Variants in PGLYRP4 observed in about 807,000 individuals in gnomAD.
PGLYRP4 encodes peptidoglycan recognition protein 4, also known as PGRP-I-beta.
A neutral mutation model predicts 41.2 loss-of-function variants in PGLYRP4; 39 were observed. That is an observed-to-expected ratio of 0.95 (90% CI 0.73 to 1.24). The LOEUF is 1.24. PGLYRP4 is among the 50% of genes most tolerant of loss of function. The probability of loss-of-function intolerance (pLI) is 0.00; values close to 1 mark genes in which losing one functional copy is unlikely to be tolerated. For missense variants in PGLYRP4, 467 were observed against 460.7 expected (o/e 1.01, Z -0.13); for synonymous variants, 202 against 186.8 (o/e 1.08, Z -0.66).
At position 153,340,692 on chromosome 1, in the gene PGLYRP4, G is replaced by A. The variant is rs990757635; in HGVS notation, c.626-113C>T. 15 of 1,061,182 alleles carry A rather than the reference G, an allele frequency of 1.4e-5. No individual in the cohort carries two copies. The South Asian group carries it at 2.0e-4, about 14-fold the overall frequency. 65.7% of individuals were successfully genotyped at this position (1,061,182 alleles called of 1,614,324 possible). A position where few individuals can be genotyped will look rare whatever the true frequency, so the allele number is the denominator to read the frequency against. ...CCCTCAACTTCCCAAACCCCTCTGGGTCTCCCACCCTGCCCCCAACCACCC... is the reference window on the plus strand; with the variant it reads ...CCCTCAACTTCCCAAACCCCTCTGGATCTCCCACCCTGCCCCCAACCACCC... On this transcript the variant is annotated intron_variant, in intron 6 of 8. Transcript: ENST00000359650.
chr1:153,344,929 G>C, intron 4 of PGLYRP4: 2 of 499,674 alleles, frequency 4.0e-6, no homozygotes, highest in Admixed American at 3.3e-5. Context: ...TTGGGGGAGG[G>C]TAGAGAATAC....
In PGLYRP4 at chr1:153,341,726, C is replaced by T; in HGVS notation, c.526G>A (p.Ala176Thr). ...GATGACAGGTGGCCCTTCTGGACAG[C>T]ATAGGTGATTAGGTTTTCCATGGCC... ...LSAMENLITY[A>T]VQKGHLSSSY... Residue 176 changes from alanine (A) to threonine (T), a missense_variant, in exon 6 of 9, where the codon GCT (alanine) becomes ACT (threonine). Ala to Thr is a moderately conservative substitution (Grantham distance 58). Coordinates refer to ENST00000359650, the MANE Select transcript of PGLYRP4 (RefSeq NM_020393.4). 1 of 1,614,046 alleles carries T rather than the reference C, an allele frequency of 6.2e-7. No homozygotes were observed.
chr1:153,347,199 G>A (rs558879796), intron 2 of PGLYRP4, among the ~76,000 whole-genome samples: 8 of 151,130 alleles, frequency 5.3e-5, no homozygotes, highest in South Asian at 2.1e-4. Flanking sequence ...CCTCCCTCCC[G>A]AGTAGTTGGG....
At chr1:153,343,832 A>G (rs1427748596) in intron 4 of PGLYRP4, among the ~76,000 whole-genome samples, 1 of 152,226 alleles carries the variant, frequency 6.6e-6, no homozygotes, top group African/African-American at 2.4e-5. Context: ...AAGAGCAGAC[A>G]GTAAAACACA....
At chr1:153,346,316 T>G (rs915852281) in intron 2 of PGLYRP4, 125 bp from the exon 3 acceptor site, 5 of 744,826 alleles carry the variant, frequency 6.7e-6, no homozygotes, top group Non-Finnish European at 1.2e-5. Context: ...TCCCAGAGCC[T>G]CCTCTAAGAA....
intron 8 of PGLYRP4, among the ~76,000 whole-genome samples, chr1:153,335,131 C>G (rs1218432545): frequency 6.6e-6 from 1 of 151,986 alleles, no homozygotes; most frequent in Non-Finnish European, 1.5e-5. Flanking sequence ...TGGACATGGG[C>G]CTAGGCAAAG....
intron 7 of PGLYRP4, among the ~76,000 whole-genome samples, chr1:153,339,893 C>T (rs1660721282): frequency 6.6e-6 from 1 of 152,140 alleles, no homozygotes; most frequent in Non-Finnish European, 1.5e-5. Flanking sequence ...CGCCTTCAGA[C>T]AGGAAGGATA....
At chr1:153,338,834 A>T (rs1359320608) in intron 7 of PGLYRP4, among the ~76,000 whole-genome samples, 2 of 152,102 alleles carry the variant, frequency 1.3e-5, no homozygotes, top group Non-Finnish European at 2.9e-5. Flanking sequence ...TCTACCCTCC[A>T]TGTGTCCCCT....
intron 4 of PGLYRP4, 76 bp from the exon 5 acceptor site, chr1:153,343,284 C>A: frequency 3.2e-6 from 3 of 941,166 alleles, no homozygotes; most frequent in Non-Finnish European, 3.4e-6. Context: ...CTTACCCAGC[C>A]TCAAAATGGA....
In PGLYRP4 at chr1:153,341,608, G is replaced by T. The variant is rs779638080; in HGVS notation, c.625+19C>A. 1 of 1,602,840 alleles carries T rather than the reference G, an allele frequency of 6.2e-7. No homozygotes were observed. Among genetic ancestry groups the T allele is most frequent in the East Asian group, 2.2e-5 (1 of 44,854 alleles). On this transcript the variant is annotated intron_variant, in intron 6 of 8. Transcript: ENST00000359650. ...GTGAGCCCAGTGGCAGGCCCAGTAG[G>T]GCTGAAGAAAGGTCTTACCCTTCTT...
Position 153,347,904 on chromosome 1 carries a change from G to A in PGLYRP4, c.29C>T (p.Ala10Val). 1.2e-6 allele frequency: 2 copies of A among 1,613,466 alleles called. No individual in the cohort carries two copies. Among genetic ancestry groups the A allele is most frequent in the South Asian group, 1.1e-5 (1 of 91,024 alleles). MLPWLLVFS[A>V]LGIQAWGDSS... ...CTTACCCCAGGCCTGGATACCCAGA[G>A]CAGAGAAGACAAGAAGCCACGGCAG... The change falls in exon 2 of 9, where the codon GCT (alanine) becomes GTT (valine). Residue 10 changes from alanine (A) to valine (V), a missense_variant. Physicochemically the swap from Ala to Val is moderately conservative, Grantham distance 64. Transcript: ENST00000359650.
At chr1:153,343,592 G>A (rs369224522) in intron 4 of PGLYRP4, among the ~76,000 whole-genome samples, 1 of 152,110 alleles carries the variant, frequency 6.6e-6, no homozygotes, top group Non-Finnish European at 1.5e-5. Context: ...TGTGATCCAC[G>A]CAGAGCTGTT....
intron 4 of PGLYRP4, among the ~76,000 whole-genome samples, chr1:153,344,761 G>A (rs1261930698): frequency 2.0e-5 from 3 of 152,152 alleles, no homozygotes; most frequent in Non-Finnish European, 4.4e-5. Flanking sequence ...GGCTCCATGG[G>A]TCCATAGATA....
Position 153,347,186 on chromosome 1 carries a change from A to G in PGLYRP4, c.49+698T>C, listed in dbSNP as rs117725599. 2.7e-3 allele frequency among the ~76,000 whole-genome samples: 416 copies of G among 151,758 alleles called. 15 individuals carry two copies. The East Asian group carries it at 0.065, about 24-fold the overall frequency. On this transcript the variant is annotated intron_variant, in intron 2 of 8. Coordinates refer to ENST00000359650, the MANE Select transcript of PGLYRP4 (RefSeq NM_020393.4). ...CCTCCCGGGTTCAAGCAGTTCTCTC[A>G]TGCCTCCCTCCCGAGTAGTTGGGAC...
chr1:153,348,119 G>A (rs1661095525), intron 1 of PGLYRP4, 141 bp from the exon 2 acceptor site: 1 of 604,488 alleles, frequency 1.7e-6, no homozygotes, highest in East Asian at 2.8e-5. Flanking sequence ...GTCTTCTCAG[G>A]GCCCCCAGCA....
Position 153,345,385 on chromosome 1 carries a change from T to C in PGLYRP4, c.140-3A>G. 3 of 1,613,734 alleles carry C rather than the reference T, an allele frequency of 1.9e-6. No homozygotes were observed. The South Asian group carries it at 3.3e-5, about 18-fold the overall frequency. ...GGTGGAGACATCTGTGGGAAGGCCT[T>C]GGGGACGTCACTCAGCGCACCTGCC... On this transcript the variant is annotated splice_polypyrimidine_tract_variant and splice_region_variant and intron_variant, in intron 3 of 8. Transcript: ENST00000359650.
chr1:153,337,030 C>T, intron 8 of PGLYRP4, 151 bp downstream of exon 8: 1 of 726,026 alleles, frequency 1.4e-6, no homozygotes, highest in East Asian at 2.6e-5. Context: ...TCTGGTCACA[C>T]TCAGCTGAGT....
At chr1:153,336,146 G>A (rs1343994052) in intron 8 of PGLYRP4, among the ~76,000 whole-genome samples, 3 of 151,892 alleles carry the variant, frequency 2.0e-5, no homozygotes, top group Non-Finnish European at 4.4e-5. Context: ...GCCGAGACGG[G>A]AGGATCATGA....
chr1:153,340,439 C>A lies in PGLYRP4; in HGVS notation c.766G>T (p.Val256Phe), dbSNP rs776668228. Residue 256 changes from valine to phenylalanine, a missense_variant, in exon 7 of 9, where the codon GTC becomes TTC. Val to Phe is a conservative substitution (Grantham distance 50). Transcript: ENST00000359650. ...ATGTAGAAAGACTGGATGTCCCGGA[C>A]CAGCAGGCGGCACTCATCAGAAATG... ...CNISDECRLL[V>F]RDIQSFYIDR... The A allele has an allele frequency of 2.7e-5, 44 of 1,614,200 alleles. No individual in the cohort carries two copies. The highest frequency in any genetic ancestry group is 3.6e-5 in the Non-Finnish European group (42 of 1,180,044).
Sources: gnomAD v4.1 joint callset for allele counts (sites outside exome capture counted in the v4.1 genomes callset) on GRCh38, gnomAD v4.1.1 for gene constraint, MANE v1.5 for transcripts, NCBI Gene and HGNC (gene_info 2026-07-23, HGNC 2026-07-21) for gene names.